ARMH4: variants seen among roughly 807,000 people sequenced by gnomAD.
ARMH4 encodes the protein armadillo-like helical domain-containing protein 4.
In ARMH4, 49 loss-of-function variants were observed where a neutral mutation model predicts 61.9. The observed-to-expected ratio is 0.79, with a 90% CI of 0.63 to 1.00. ARMH4 has a LOEUF of 1.00. Ranked by LOEUF, ARMH4 falls within the 50% of genes least tolerant of loss-of-function variation. ARMH4 has a pLI of 0.00. For synonymous variants in ARMH4, 368 were observed against 341.5 expected, an observed-to-expected ratio of 1.08 and a Z score of -0.85; for missense variants, 934 against 930.0, an observed-to-expected ratio of 1.00 and a Z score of -0.06.
At chr14:58,123,468 T>G (rs143839901) in intron 4 of ARMH4, among the ~76,000 whole-genome samples, 1 of 152,112 alleles carries the variant, frequency 6.6e-6, no homozygotes, top group South Asian at 2.1e-4. Flanking sequence ...CAATAGCCCC[T>G]GCAATACTCC....
intron 5 of ARMH4, among the ~76,000 whole-genome samples, chr14:58,068,612 T>G (rs370792744): frequency 6.6e-6 from 1 of 152,128 alleles, no homozygotes; most frequent in Non-Finnish European, 1.5e-5. Context: ...CAAACTACAC[T>G]TGTTTCTCAG....
intron 5 of ARMH4, among the ~76,000 whole-genome samples, chr14:58,032,409 C>A (rs368061948): frequency 6.6e-6 from 1 of 152,210 alleles, no homozygotes; most frequent in East Asian, 1.9e-4. Context: ...GCTTCCTAAT[C>A]ATTTTTGTGC....
At chr14:58,101,505 T>C (rs780690621) in intron 4 of ARMH4, 3 of 152,222 alleles carry the variant, frequency 2.0e-5, no homozygotes, top group Non-Finnish European at 2.9e-5. Flanking sequence ...GCCCAAGCAA[T>C]GGTCTGACAT....
chr14:58,017,190 T>C (rs1882645216), intron 5 of ARMH4, among the ~76,000 whole-genome samples: 1 of 152,088 alleles, frequency 6.6e-6, no homozygotes, highest in Non-Finnish European at 1.5e-5. Context: ...GTGGCACACC[T>C]GTAGTCTCAG....
intron 4 of ARMH4, among the ~76,000 whole-genome samples, chr14:58,118,681 C>G (rs1047969444): frequency 6.6e-6 from 1 of 152,158 alleles, no homozygotes; most frequent in Non-Finnish European, 1.5e-5. Flanking sequence ...CCCATAATCC[C>G]TAGAAACTCA....
chr14:58,092,444 GA>G (rs772723980), intron 5 of ARMH4, among the ~76,000 whole-genome samples: 7 of 152,176 alleles, frequency 4.6e-5, no homozygotes, highest in African/African-American at 7.2e-5. Context: ...AATACCTATT[GA>G]AATCTGAATC....
chr14:58,087,164 T>C lies in ARMH4; in HGVS notation c.2089+9560A>G, dbSNP rs980356071. ...TAATTTCTTCTTCGCTTTTGGTTTG[T>C]TGTATTTTCACTTTGCACCATCAAT... On this transcript the variant is annotated intron_variant, in intron 5 of 7. Transcript: ENST00000267485. Among the ~76,000 whole-genome samples the C allele has an allele frequency of 2.0e-5, 3 of 152,344 alleles. No homozygotes were observed. In the South Asian group the frequency reaches 6.2e-4, roughly 32 times the overall value.
intron 5 of ARMH4, among the ~76,000 whole-genome samples, chr14:58,012,930 T>C (rs1882459737): frequency 6.8e-6 from 1 of 146,608 alleles, no homozygotes; most frequent in South Asian, 2.1e-4. Flanking sequence ...TTGAGTTTGT[T>C]GGTGGTTTTT....
At chr14:58,026,930 T>C (rs1883042153) in intron 5 of ARMH4, among the ~76,000 whole-genome samples, 1 of 152,190 alleles carries the variant, frequency 6.6e-6, no homozygotes, top group Admixed American at 6.5e-5. Context: ...TCTGACATGA[T>C]TCTACTTAAT....
At position 58,139,082 on chromosome 14, in the gene ARMH4, T is replaced by C; in HGVS notation, c.277A>G (p.Asn93Asp). 6.2e-7 allele frequency: 1 copy of C among 1,614,236 alleles called. No homozygotes were observed. Among genetic ancestry groups the C allele is most frequent in the Non-Finnish European group, 8.5e-7 (1 of 1,180,036 alleles). ...GCTTGTCCAGGCTGGGTTTCTTTGTTAATCGAGAATGCTTTATTTAATGAT... is the reference window on the plus strand; with the variant it reads ...GCTTGTCCAGGCTGGGTTTCTTTGTCAATCGAGAATGCTTTATTTAATGAT... Reference protein sequence around the residue: ...ATSLNKAFSINKETQPGQAGL... With the variant: ...ATSLNKAFSIDKETQPGQAGL... The change falls in exon 2 of 8, where the codon AAC becomes GAC. Residue 93 changes from asparagine to aspartate, a missense_variant. Physicochemically the swap from Asn to Asp is conservative, Grantham distance 23. Coordinates refer to ENST00000267485, the MANE Select transcript of ARMH4 (RefSeq NM_001001872.4).
At position 58,003,128 on chromosome 14, in the gene ARMH4, T is replaced by C. The variant is rs984001158; in HGVS notation, c.*1608A>G. 6.6e-6 allele frequency: 1 copy of C among 151,672 alleles called. No individual in the cohort carries two copies. Among genetic ancestry groups the C allele is most frequent in the Admixed American group, 6.6e-5 (1 of 15,160 alleles). The allele number at this position is 151,672 out of a possible 1,614,324, so 9.4% of individuals were successfully genotyped here. A position where few individuals can be genotyped will look rare whatever the true frequency, so the allele number is the denominator to read the frequency against. On this transcript the variant is annotated 3_prime_UTR_variant, in exon 8 of 8. Coordinates refer to ENST00000267485, the MANE Select transcript of ARMH4 (RefSeq NM_001001872.4). ...ATCATTCATTTAACAAAGATGGAAA[T>C]TCACATCAAACGTTCCTTGACCAGG... is the stretch of plus-strand genomic sequence containing the variant.
chr14:58,013,209 C>T (rs116814361), intron 5 of ARMH4, among the ~76,000 whole-genome samples: 89 of 152,196 alleles, frequency 5.8e-4, no homozygotes, highest in African/African-American at 2.1e-3. Flanking sequence ...TTTTGCAGAG[C>T]GTATAGTCTC....
chr14:58,031,184 TTG>T (rs2141164734), intron 5 of ARMH4, among the ~76,000 whole-genome samples: 1 of 152,298 alleles, frequency 6.6e-6, no homozygotes, highest in Non-Finnish European at 1.5e-5. Flanking sequence ...AGAAATTGAA[TTG>T]TGTTTCTTCA....
rs781168585 is a variant in ARMH4 at position 58,138,210 on chromosome 14, C to A, written c.1149G>T (p.Ala383=). ...ETHTGTALLI[A]HGNERSPAFT... ...AAGCAGGTGATCTCTCATTCCCATG[C>A]GCTATTAGCAGGGCTGTGCCCGTGT... Residue 383 remains alanine, a synonymous_variant, in exon 2 of 8, where the codon GCG becomes GCT. Transcript: ENST00000267485. 1.9e-6 allele frequency: 3 copies of A among 1,614,048 alleles called. No individual in the cohort carries two copies. Among genetic ancestry groups the A allele is most frequent in the Admixed American group, 1.7e-5 (1 of 59,998 alleles).
rs1229128636 is a variant in ARMH4, at chr14:58,034,473, G to A, written c.2090-22323C>T. Among the ~76,000 whole-genome samples the A allele has an allele frequency of 2.4e-5, 3 of 127,276 alleles. 1 individual carries two copies. Among genetic ancestry groups the A allele is most frequent in the Non-Finnish European group, 5.2e-5 (3 of 57,216 alleles). 83.5% of individuals were successfully genotyped at this position (127,276 alleles called of 152,430 possible). Reference sequence around the variant, plus strand: ...CATGCCAAAATGTAAAGACCATCGAGACTAGGAAGAAACTGCATCAACTAA... The same window carrying A: ...CATGCCAAAATGTAAAGACCATCGAAACTAGGAAGAAACTGCATCAACTAA... On this transcript the variant is annotated intron_variant, in intron 5 of 7. Coordinates refer to ENST00000267485, the MANE Select transcript of ARMH4 (RefSeq NM_001001872.4).
Position 58,004,773 on chromosome 14 carries a change from A to C in ARMH4, c.2288T>G (p.Val763Gly), listed in dbSNP as rs376684860. Residue 763 changes from valine to glycine, a missense_variant, in exon 8 of 8, where the codon GTA becomes GGA. Physicochemically the swap from Val to Gly is moderately radical, Grantham distance 109 (BLOSUM62 -3). Coordinates refer to ENST00000267485, the MANE Select transcript of ARMH4 (RefSeq NM_001001872.4). ...TTCAGAGCTGTCGGCTAAGAGCATT[A>C]CTCGATCTTGCATGCTGTTGAATTC... ...QREFNSMQDR[V>G]MLLADSSEDE... 5.3e-5 allele frequency: 85 copies of C among 1,611,754 alleles called. No homozygotes were observed. The highest frequency in any genetic ancestry group is 6.4e-5 in the Non-Finnish European group (75 of 1,178,120).
intron 5 of ARMH4, among the ~76,000 whole-genome samples, chr14:58,058,480 G>A (rs533854224): frequency 7.2e-5 from 11 of 152,246 alleles, no homozygotes; most frequent in African/African-American, 2.6e-4. Flanking sequence ...ATAATAAGGG[G>A]TAGATTATTC....
At chr14:58,143,627 C>T (rs1462804586) in intron 1 of ARMH4, among the ~76,000 whole-genome samples, 1 of 151,958 alleles carries the variant, frequency 6.6e-6, no homozygotes, top group East Asian at 1.9e-4. Flanking sequence ...CCATGCCTGG[C>T]TAGTTTTTGT....
At chr14:58,019,245 T>G (rs1039083659) in intron 5 of ARMH4, among the ~76,000 whole-genome samples, 3 of 152,154 alleles carry the variant, frequency 2.0e-5, no homozygotes, top group African/African-American at 7.2e-5. Context: ...AAGAGTAGAT[T>G]TTAAGTGTTC....
Sources: gnomAD v4.1 joint callset for allele counts (sites outside exome capture counted in the v4.1 genomes callset) on GRCh38, gnomAD v4.1.1 for gene constraint, MANE v1.5 for transcripts, NCBI Gene and HGNC (gene_info 2026-07-23, HGNC 2026-07-21) for gene names.